Variants in PPP1R12A observed in about 807,000 individuals in gnomAD.
The protein encoded by PPP1R12A is myosin binding subunit.
Under a neutral mutation model 139.6 loss-of-function variants are expected in PPP1R12A, and 19 were observed. The observed-to-expected ratio is 0.14, with a 90% CI of 0.09 to 0.20. The LOEUF is 0.20. Among genes scored for constraint, PPP1R12A ranks in the 10% least tolerant of loss-of-function variants. The pLI is 1.00. For missense variants in PPP1R12A, 925 were observed against 1,211.5 expected (o/e 0.76, Z 3.51); for synonymous variants, 427 against 420.6 (o/e 1.02, Z -0.19).
Position 79,832,454 on chromosome 12 carries a change from C to T in PPP1R12A, c.525G>A (p.Arg175=), listed in dbSNP as rs923251642. 8.7e-6 allele frequency: 14 copies of T among 1,612,022 alleles called. No homozygotes were observed. In the African/African-American group the frequency reaches 1.5e-4, roughly 17 times the overall value. Residue 175 remains arginine (R), a synonymous_variant, in exon 4 of 25, where the codon CGG becomes CGA. Transcript: ENST00000450142. ...ACTGCCTGGCATCTCTAAGCATGAT[C>T]CGTTCTTCTTCCTTTCGAGCTGCTT... ...DIEAARKEEE[R]IMLRDARQWL...
intron 1 of PPP1R12A, among the ~76,000 whole-genome samples, chr12:79,910,560 CTT>C (rs1886488344): frequency 7.2e-6 from 1 of 139,234 alleles, no homozygotes; most frequent in Non-Finnish European, 1.6e-5. Context: ...AAAAAAAAAA[CTT>C]TTCCAATCTT....
chr12:79,904,744 T>C (rs571670868), intron 1 of PPP1R12A, among the ~76,000 whole-genome samples: 1 of 152,342 alleles, frequency 6.6e-6, no homozygotes, highest in African/African-American at 2.4e-5. Flanking sequence ...AGATTTCACT[T>C]GCTCCATATT....
Position 79,922,750 on chromosome 12 carries a change from C to T in PPP1R12A, c.237+11945G>A, listed in dbSNP as rs183278558. ...ACCTAATGCATGCAGGGCTTAAAAC[C>T]TAGATATGAGTCGGTAAGTGCAGCA... On this transcript the variant is annotated intron_variant, in intron 1 of 24. Transcript: ENST00000450142. Among the ~76,000 whole-genome samples the T allele has an allele frequency of 8.5e-4, 129 of 152,158 alleles. 3 individuals are homozygous for T. Among genetic ancestry groups the T allele is most frequent in the African/African-American group, 2.9e-3 (122 of 41,486 alleles).
At chr12:79,855,401 T>A (rs899637148) in intron 2 of PPP1R12A, among the ~76,000 whole-genome samples, 2 of 152,152 alleles carry the variant, frequency 1.3e-5, no homozygotes, top group African/African-American at 4.8e-5. Flanking sequence ...AAAGAAAATT[T>A]CATGTCTTTG....
At chr12:79,863,990 G>A (rs911398306) in intron 2 of PPP1R12A, among the ~76,000 whole-genome samples, 4 of 151,932 alleles carry the variant, frequency 2.6e-5, no homozygotes, top group East Asian at 1.9e-4. Context: ...CAAGAAGACC[G>A]AATAGACATC....
In PPP1R12A at chr12:79,817,387, G is replaced by C; in HGVS notation, c.1239+7C>G. ...ATGTATTTTCAGCAAATACAATTTTGGCTTACCTTTTTAATAGGTGATGTA... is the reference window on the plus strand; with the variant it reads ...ATGTATTTTCAGCAAATACAATTTTCGCTTACCTTTTTAATAGGTGATGTA... On this transcript the variant is annotated splice_region_variant and intron_variant, in intron 9 of 24. Coordinates refer to ENST00000450142, the MANE Select transcript of PPP1R12A (RefSeq NM_002480.3). 6.2e-7 allele frequency: 1 copy of C among 1,609,286 alleles called. No individual in the cohort carries two copies. The highest frequency in any genetic ancestry group is 8.5e-7 in the Non-Finnish European group (1 of 1,177,214).
intron 1 of PPP1R12A, 124 bp from the exon 2 acceptor site, chr12:79,873,062 G>T: frequency 9.1e-7 from 1 of 1,094,112 alleles, no homozygotes; most frequent in Non-Finnish European, 1.3e-6. Context: ...AAATAAATCT[G>T]CTGCTATCTT....
intron 9 of PPP1R12A, among the ~76,000 whole-genome samples, chr12:79,812,382 C>G (rs1171235028): frequency 3.5e-5 from 4 of 112,952 alleles, no homozygotes; most frequent in South Asian, 3.0e-4. Context: ...TTGACTGACT[C>G]TGTGTGTGCG....
At chr12:79,842,431 A>G (rs1353318572) in intron 3 of PPP1R12A, among the ~76,000 whole-genome samples, 1 of 152,136 alleles carries the variant, frequency 6.6e-6, no homozygotes, top group Non-Finnish European at 1.5e-5. Flanking sequence ...CTATTTTCTG[A>G]TGAAGCACAT....
intron 1 of PPP1R12A, among the ~76,000 whole-genome samples, chr12:79,874,371 T>C (rs1424847168): frequency 6.6e-6 from 1 of 152,176 alleles, no homozygotes; most frequent in African/African-American, 2.4e-5. Flanking sequence ...AAAAATGTTA[T>C]TTGGTAACAT....
intron 1 of PPP1R12A, among the ~76,000 whole-genome samples, chr12:79,893,104 CAAA>C (rs1241896292): frequency 1.0e-4 from 10 of 98,272 alleles, no homozygotes; most frequent in Admixed American, 1.1e-4. Context: ...GACTGTGTCT[CAAA>C]AAAAAAAAAA....
At chr12:79,793,169 T>A (rs919086056) in intron 19 of PPP1R12A, among the ~76,000 whole-genome samples, 1 of 152,194 alleles carries the variant, frequency 6.6e-6, no homozygotes, top group African/African-American at 2.4e-5. Flanking sequence ...TCTATCCTCA[T>A]ATGAACAGAA....
At chr12:79,837,183 T>A (rs1038812544) in intron 3 of PPP1R12A, among the ~76,000 whole-genome samples, 1 of 152,068 alleles carries the variant, frequency 6.6e-6, no homozygotes, top group Non-Finnish European at 1.5e-5. Flanking sequence ...ACAATGAAAA[T>A]AATATATAAT....
intron 1 of PPP1R12A, among the ~76,000 whole-genome samples, chr12:79,903,375 C>T (rs376058874): frequency 6.6e-6 from 1 of 150,990 alleles, no homozygotes; most frequent in Non-Finnish European, 1.5e-5. Context: ...TGCTTGAACC[C>T]GGGAAGTAGA....
chr12:79,908,208 T>C (rs1158777768), intron 1 of PPP1R12A, among the ~76,000 whole-genome samples: 4 of 152,214 alleles, frequency 2.6e-5, no homozygotes, highest in African/African-American at 9.7e-5. Context: ...TAGAATCCTT[T>C]CTGAAAATTC....
intron 1 of PPP1R12A, among the ~76,000 whole-genome samples, chr12:79,931,799 G>A (rs529367860): frequency 2.0e-5 from 3 of 152,224 alleles, no homozygotes; most frequent in African/African-American, 7.2e-5. Flanking sequence ...CCTGGGTAGA[G>A]TGGGTGGGGG....
chr12:79,883,572 C>T (rs1246288113), intron 1 of PPP1R12A, among the ~76,000 whole-genome samples: 1 of 151,958 alleles, frequency 6.6e-6, no homozygotes, highest in Non-Finnish European at 1.5e-5. Flanking sequence ...AGAAAGATGA[C>T]AATTTTATTT....
intron 1 of PPP1R12A, among the ~76,000 whole-genome samples, chr12:79,893,370 T>G (rs1443624234): frequency 6.6e-6 from 1 of 152,206 alleles, no homozygotes; most frequent in Non-Finnish European, 1.5e-5. Context: ...TGTATAATTA[T>G]CTACTCGTAT....
intron 3 of PPP1R12A, among the ~76,000 whole-genome samples, chr12:79,838,813 C>T (rs937093603): frequency 6.6e-6 from 1 of 152,212 alleles, no homozygotes; most frequent in African/African-American, 2.4e-5. Context: ...AAGTCTGCTG[C>T]AGAGGTAGAG....
Sources: gnomAD v4.1 joint callset for allele counts (sites outside exome capture counted in the v4.1 genomes callset) on GRCh38, gnomAD v4.1.1 for gene constraint, MANE v1.5 for transcripts, NCBI Gene and HGNC (gene_info 2026-07-23, HGNC 2026-07-21) for gene names.